Variants in BTAF1 observed in about 807,000 individuals in gnomAD.
The protein encoded by BTAF1 is TATA-binding protein-associated factor 172.
In BTAF1, 38 loss-of-function variants were observed where a neutral mutation model predicts 227.1. The observed-to-expected ratio is 0.17, with a 90% CI of 0.13 to 0.22. The LOEUF (loss-of-function observed/expected upper bound fraction) is 0.22, where lower values mean the gene tolerates loss of function less well. Ranked by LOEUF, BTAF1 falls within the 10% of genes least tolerant of loss-of-function variation. The pLI, the probability that BTAF1 is intolerant of heterozygous loss-of-function variation, is 1.00. For missense variants in BTAF1, 1,598 were observed against 2,204.0 expected (o/e 0.73, Z 5.51); for synonymous variants, 742 against 751.9 (o/e 0.99, Z 0.21).
chr10:91,927,011 CCTT>C (rs1843887960), intron 1 of BTAF1, among the ~76,000 whole-genome samples: 1 of 152,100 alleles, frequency 6.6e-6, no homozygotes, highest in Admixed American at 6.6e-5. Flanking sequence ...TTCCCCTTCA[CCTT>C]CTTCTCTCTT....
intron 14 of BTAF1, among the ~76,000 whole-genome samples, chr10:91,973,937 G>GC (rs892199824): frequency 2.7e-5 from 4 of 148,302 alleles, no homozygotes; most frequent in Non-Finnish European, 5.9e-5. Context: ...ACTTTCCCAA[G>GC]CTCATATAAG....
chr10:91,980,774 A>G (rs188267737), intron 15 of BTAF1, among the ~76,000 whole-genome samples: 36 of 152,236 alleles, frequency 2.4e-4, no homozygotes, highest in Non-Finnish European at 4.3e-4. Context: ...TGTGACTTAC[A>G]CAGGTGTTTT....
chr10:91,927,980 C>CT (rs60105160), intron 1 of BTAF1, among the ~76,000 whole-genome samples: 7,603 of 121,472 alleles, frequency 0.063, 230 homozygotes, highest in Non-Finnish European at 0.075. Context: ...TGCCTTTTTT[C>CT]TTTTTTTTTT....
chr10:91,974,481 G>A (rs918504242), intron 14 of BTAF1, among the ~76,000 whole-genome samples: 18 of 152,122 alleles, frequency 1.2e-4, no homozygotes, highest in Non-Finnish European at 2.5e-4. Flanking sequence ...TTTAATCAGT[G>A]TGCCTTCTTC....
Position 91,982,092 on chromosome 10 carries a change from G to T in BTAF1, c.1915G>T (p.Gly639Cys). The change falls in exon 17 of 38, where the codon GGT (glycine) becomes TGT (cysteine). Residue 639 changes from glycine to cysteine, a missense_variant. Gly to Cys is a radical substitution (Grantham distance 159, BLOSUM62 -3). Transcript: ENST00000265990. ...EVKARAKEKT[G>C]GKVRQGQSQN... ...TCCCCTCCCTCTGTAGGAAAAAACA[G>T]GTGGTAAGGTGCGCCAAGGCCAAAG... 1.2e-6 allele frequency: 2 copies of T among 1,612,300 alleles called. No homozygotes were observed. The highest frequency in any genetic ancestry group is 1.7e-6 in the Non-Finnish European group (2 of 1,179,120).
intron 33 of BTAF1, 89 bp from the exon 34 acceptor site, chr10:92,018,694 A>T: frequency 8.2e-7 from 1 of 1,223,218 alleles, no homozygotes; most frequent in Non-Finnish European, 1.1e-6. Flanking sequence ...TCTAAACAGC[A>T]TAGGAAATAG....
At chr10:91,992,757 C>T (rs1192090695) in intron 21 of BTAF1, among the ~76,000 whole-genome samples, 1 of 152,178 alleles carries the variant, frequency 6.6e-6, no homozygotes, top group Non-Finnish European at 1.5e-5. Flanking sequence ...ATCCTTTCCT[C>T]TCTGATTTAT....
intron 1 of BTAF1, among the ~76,000 whole-genome samples, chr10:91,927,775 T>G (rs1165651302): frequency 6.6e-6 from 1 of 152,218 alleles, no homozygotes; most frequent in East Asian, 1.9e-4. Context: ...TAACATATAC[T>G]AATTTGTTTT....
chr10:91,989,118 T>C (rs939863215), intron 19 of BTAF1, 36 bp from the exon 20 acceptor site: 1 of 1,536,016 alleles, frequency 6.5e-7, no homozygotes, highest in Non-Finnish European at 8.8e-7. Context: ...GGGGTTGATA[T>C]GATTAATGAT....
intron 2 of BTAF1, among the ~76,000 whole-genome samples, chr10:91,936,998 A>G (rs1589751160): frequency 6.8e-6 from 1 of 146,044 alleles, no homozygotes; most frequent in Non-Finnish European, 1.5e-5. Flanking sequence ...CCTGTTGCCC[A>G]TTGGTTTTGT....
intron 25 of BTAF1, among the ~76,000 whole-genome samples, chr10:91,998,140 A>C (rs1849263694): frequency 6.6e-6 from 1 of 150,588 alleles, no homozygotes; most frequent in Non-Finnish European, 1.5e-5. Flanking sequence ...AAAAAAAAAA[A>C]AAAGAAAAGA....
At position 91,989,258 on chromosome 10, in the gene BTAF1, G is replaced by C. The variant is rs547616587; in HGVS notation, c.2532G>C (p.Glu844Asp). Residue 844 changes from glutamate (E) to aspartate (D), a missense_variant, in exon 20 of 38, where the codon GAG (glutamate) becomes GAC (aspartate). Coordinates refer to ENST00000265990, the MANE Select transcript of BTAF1 (RefSeq NM_003972.3). The part of the protein sequence containing the change: ...KRQQVQMTVT[E>D]TNQEWQVLQL... ...AGCAGGTCCAAATGACAGTTACAGA[G>C]ACCAACCAGGAGTGGCAAGTGTTGC... 2.9e-5 allele frequency: 47 copies of C among 1,613,992 alleles called. No homozygotes were observed. Among genetic ancestry groups the C allele is most frequent in the Non-Finnish European group, 4.0e-5 (47 of 1,180,048 alleles).
At chr10:91,973,915 A>AG in intron 14 of BTAF1, among the ~76,000 whole-genome samples, 1 of 151,454 alleles carries the variant, frequency 6.6e-6, no homozygotes, top group East Asian at 1.9e-4. Context: ...AAAAAAAAAA[A>AG]AAAAAAAAGA....
At chr10:92,018,047 T>C (rs948196096) in intron 33 of BTAF1, among the ~76,000 whole-genome samples, 3 of 152,026 alleles carry the variant, frequency 2.0e-5, no homozygotes, top group Admixed American at 1.3e-4. Context: ...ATCAGAATAA[T>C]GTGTAGAAGG....
chr10:92,003,597 A>G lies in BTAF1; in HGVS notation c.3661-4526A>G, dbSNP rs1258004903. 2.6e-5 allele frequency among the ~76,000 whole-genome samples: 4 copies of G among 152,222 alleles called. No individual in the cohort carries two copies. The East Asian group carries it at 5.8e-4, about 22-fold the overall frequency. Reference sequence around the variant, plus strand: ...ACAAAATTACCTTCTTAGAGGCTGAATAGTATCCAGTTATATATAGATACA... The same window carrying G: ...ACAAAATTACCTTCTTAGAGGCTGAGTAGTATCCAGTTATATATAGATACA... On this transcript the variant is annotated intron_variant, in intron 25 of 37. Transcript: ENST00000265990.
chr10:91,953,520 A>G (rs1158355341), intron 5 of BTAF1, among the ~76,000 whole-genome samples: 1 of 152,184 alleles, frequency 6.6e-6, no homozygotes, highest in Non-Finnish European at 1.5e-5. Flanking sequence ...TAAGAAGCAT[A>G]TGTGTATCTG....
At chr10:91,978,696 G>C (rs1366707543) in intron 14 of BTAF1, among the ~76,000 whole-genome samples, 1 of 151,768 alleles carries the variant, frequency 6.6e-6, no homozygotes, top group Non-Finnish European at 1.5e-5. Context: ...CTTTGAGCTA[G>C]TTAGTAGAAT....
chr10:91,983,381 C>T (rs1362904501), intron 18 of BTAF1, among the ~76,000 whole-genome samples: 1 of 152,194 alleles, frequency 6.6e-6, no homozygotes, highest in African/African-American at 2.4e-5. Flanking sequence ...ATTTAACTGT[C>T]TGCACTTGCT....
intron 24 of BTAF1, 117 bp downstream of exon 24, chr10:91,996,687 A>T: frequency 4.4e-6 from 4 of 902,502 alleles, no homozygotes; most frequent in South Asian, 4.1e-5. Context: ...GTTCCAAAAA[A>T]TACCTATTCT....
Sources: gnomAD v4.1 joint callset for allele counts (sites outside exome capture counted in the v4.1 genomes callset) on GRCh38, gnomAD v4.1.1 for gene constraint, MANE v1.5 for transcripts, NCBI Gene and HGNC (gene_info 2026-07-23, HGNC 2026-07-21) for gene names.